PTPRD: variants seen among roughly 807,000 people sequenced by gnomAD.
PTPRD encodes protein tyrosine phosphatase receptor type D, also known as receptor-type tyrosine-protein phosphatase delta.
In PTPRD, 34 loss-of-function variants were observed where a neutral mutation model predicts 214.5. That is an observed-to-expected ratio of 0.16 (90% CI 0.12 to 0.21). PTPRD has a LOEUF of 0.21. Ranked by LOEUF, PTPRD falls within the 10% of genes least tolerant of loss-of-function variation. PTPRD has a pLI of 1.00. For missense variants in PTPRD, 2,545 were observed against 2,398.7 expected (o/e 1.06, Z -1.27); for synonymous variants, 1,128 against 845.7 (o/e 1.33, Z -5.79).
At chr9:10,147,649 G>A (rs2099032502) in intron 3 of PTPRD, among the ~76,000 whole-genome samples, 1 of 152,132 alleles carries the variant, frequency 6.6e-6, no homozygotes, top group Non-Finnish European at 1.5e-5. Context: ...GGATGCCAAG[G>A]TGTGTGGATC....
At chr9:9,504,985 C>T (rs2096536727) in intron 8 of PTPRD, among the ~76,000 whole-genome samples, 1 of 151,620 alleles carries the variant, frequency 6.6e-6, no homozygotes, top group South Asian at 2.1e-4. Context: ...TCTTTGTTGA[C>T]AGACTAGCTC....
At chr9:8,840,642 G>GT (rs1455415437) in intron 11 of PTPRD, among the ~76,000 whole-genome samples, 1 of 152,142 alleles carries the variant, frequency 6.6e-6, no homozygotes, top group Non-Finnish European at 1.5e-5. Context: ...TGCCTTTCCG[G>GT]TTTTTAATCA....
At chr9:10,259,146 C>G (rs1395750901) in intron 3 of PTPRD, among the ~76,000 whole-genome samples, 1 of 152,042 alleles carries the variant, frequency 6.6e-6, no homozygotes, top group African/African-American at 2.4e-5. Flanking sequence ...CCTCAGCCTC[C>G]GGAGTAGCTG....
chr9:8,747,454 T>A (rs2092953577), intron 11 of PTPRD, among the ~76,000 whole-genome samples: 2 of 151,696 alleles, frequency 1.3e-5, no homozygotes, highest in African/African-American at 4.8e-5. Context: ...CCTAAAGAGG[T>A]GGCAGTCTTA....
At chr9:10,460,185 G>C (rs952892658) in intron 2 of PTPRD, among the ~76,000 whole-genome samples, 10 of 151,852 alleles carry the variant, frequency 6.6e-5, no homozygotes, top group African/African-American at 2.4e-4. Context: ...GGAGGTGAAA[G>C]ACCCGTAAAC....
At chr9:8,692,508 A>G (rs1565323530) in intron 12 of PTPRD, among the ~76,000 whole-genome samples, 1 of 152,196 alleles carries the variant, frequency 6.6e-6, no homozygotes, top group African/African-American at 2.4e-5. Context: ...CTAGCTGAGA[A>G]TTTGATTTAA....
Position 9,187,451 on chromosome 9 carries a change from T to G in PTPRD, c.-202-4088A>C, listed in dbSNP as rs10977554. Among the ~76,000 whole-genome samples the G allele has an allele frequency of 3.3e-5, 5 of 151,814 alleles. No individual in the cohort carries two copies. The South Asian group carries it at 1.0e-3, about 31-fold the overall frequency. On this transcript the variant is annotated intron_variant, in intron 9 of 45. Coordinates refer to ENST00000381196, the MANE Select transcript of PTPRD (RefSeq NM_002839.4). ...TAAAGGTACCTGTCTTATGAAATTG[T>G]CAAGTCCCTTTTTTATGTGCAGTTT...
intron 9 of PTPRD, among the ~76,000 whole-genome samples, chr9:9,189,995 T>G (rs1292891474): frequency 6.6e-6 from 1 of 152,084 alleles, no homozygotes; most frequent in Non-Finnish European, 1.5e-5. Context: ...TCCTCGCTCC[T>G]GGCACAGTGA....
At chr9:8,584,168 A>T (rs2093437932) in intron 14 of PTPRD, among the ~76,000 whole-genome samples, 1 of 152,200 alleles carries the variant, frequency 6.6e-6, no homozygotes, top group Non-Finnish European at 1.5e-5. Context: ...TTTTTAAAAA[A>T]TTTTAAAAAG....
intron 39 of PTPRD, among the ~76,000 whole-genome samples, chr9:8,362,013 T>C (rs913271402): frequency 2.0e-5 from 3 of 152,220 alleles, no homozygotes; most frequent in Non-Finnish European, 4.4e-5. Context: ...CTTGATGAGA[T>C]TGCCCATGCA....
chr9:9,784,206 T>C (rs2154492166), intron 5 of PTPRD, among the ~76,000 whole-genome samples: 1 of 152,260 alleles, frequency 6.6e-6, no homozygotes, highest in African/African-American at 2.4e-5. Flanking sequence ...GGTCATAGTT[T>C]AGGAAGAGCT....
chr9:8,842,858 C>T (rs2097586029), intron 11 of PTPRD, among the ~76,000 whole-genome samples: 1 of 152,118 alleles, frequency 6.6e-6, no homozygotes, highest in African/African-American at 2.4e-5. Flanking sequence ...CCCCAGGATA[C>T]CCTTCACATC....
At chr9:10,340,426 C>A (rs531941688) in intron 3 of PTPRD, among the ~76,000 whole-genome samples, 1 of 151,940 alleles carries the variant, frequency 6.6e-6, no homozygotes, top group South Asian at 2.1e-4. Context: ...TATATCACAC[C>A]AGTGTGAGAT....
chr9:9,533,113 G>A (rs1259907410), intron 8 of PTPRD, among the ~76,000 whole-genome samples: 1 of 152,098 alleles, frequency 6.6e-6, no homozygotes, highest in African/African-American at 2.4e-5. Context: ...AGATAGCAGT[G>A]CTATTACTTG....
chr9:9,419,171 GAT>G (rs757873948), intron 8 of PTPRD, among the ~76,000 whole-genome samples: 6 of 134,302 alleles, frequency 4.5e-5, no homozygotes, highest in Non-Finnish European at 6.4e-5. Flanking sequence ...ACACAAGCAT[GAT>G]ATATATATAT....
Position 8,698,229 on chromosome 9 carries a change from A to G in PTPRD, c.64+35551T>C, listed in dbSNP as rs114715327. The stretch of plus-strand genomic sequence containing the variant: ...ATGCATACTTATGCACTGAATACCT[A>G]CTGTGTGATAGATGTTTATTCAGTG... On this transcript the variant is annotated intron_variant, in intron 12 of 45. Coordinates refer to ENST00000381196, the MANE Select transcript of PTPRD (RefSeq NM_002839.4). 4.6e-3 allele frequency among the ~76,000 whole-genome samples: 696 copies of G among 152,310 alleles called. 3 individuals are homozygous for G. Among genetic ancestry groups the G allele is most frequent in the Middle Eastern group, 0.024 (7 of 294 alleles).
At chr9:8,646,059 A>AAC (rs2096681496) in intron 12 of PTPRD, among the ~76,000 whole-genome samples, 1 of 145,064 alleles carries the variant, frequency 6.9e-6, no homozygotes, top group African/African-American at 2.7e-5. Context: ...GGAGTCCTAA[A>AAC]AGAAAAAAAA....
chr9:10,579,249 T>C (rs1425391433), intron 2 of PTPRD, among the ~76,000 whole-genome samples: 2 of 152,120 alleles, frequency 1.3e-5, no homozygotes, highest in East Asian at 3.9e-4. Context: ...CATGTTCTCA[T>C]CCAATAGTAG....
chr9:9,235,550 C>T (rs907690770), intron 9 of PTPRD, among the ~76,000 whole-genome samples: 3 of 152,014 alleles, frequency 2.0e-5, no homozygotes, highest in African/African-American at 7.2e-5. Context: ...GGGGAGTCAG[C>T]CTTATGAGGG....
Sources: allele counts gnomAD v4.1 joint callset (sites outside exome capture counted in the v4.1 genomes callset), GRCh38; gene constraint gnomAD v4.1.1; transcripts MANE v1.5; gene names NCBI Gene and HGNC (gene_info 2026-07-23, HGNC 2026-07-21).